The following ROBO2 variants were observed in gnomAD, a reference collection of about 807,000 sequenced individuals.
ROBO2 encodes the protein roundabout homolog 2.
In ROBO2, 53 loss-of-function variants were observed where a neutral mutation model predicts 160.8. The observed-to-expected ratio is 0.33, with a 90% CI of 0.26 to 0.41. ROBO2 has a LOEUF of 0.41. Among genes scored for constraint, ROBO2 ranks in the 10% least tolerant of loss-of-function variants. The probability of loss-of-function intolerance (pLI) is 1.00; values close to 1 mark genes in which losing one functional copy is unlikely to be tolerated. For synonymous variants in ROBO2, 664 were observed against 611.7 expected, an observed-to-expected ratio of 1.09 and a Z score of -1.26; for missense variants, 1,577 against 1,722.4, an observed-to-expected ratio of 0.92 and a Z score of 1.49.
intron 2 of ROBO2, among the ~76,000 whole-genome samples, chr3:76,254,121 A>G (rs530520950): frequency 6.6e-6 from 1 of 152,212 alleles, no homozygotes; most frequent in African/African-American, 2.4e-5. Flanking sequence ...TTGCAGATCT[A>G]TATCTCTTTG....
chr3:77,489,502 T>C (rs948560637), intron 4 of ROBO2, among the ~76,000 whole-genome samples: 5 of 152,094 alleles, frequency 3.3e-5, no homozygotes, highest in African/African-American at 1.2e-4. Flanking sequence ...TCCACGTGTC[T>C]CCATATAAAA....
intron 1 of ROBO2, among the ~76,000 whole-genome samples, chr3:77,066,571 A>G (rs2066869367): frequency 6.6e-6 from 1 of 152,188 alleles, no homozygotes; most frequent in Non-Finnish European, 1.5e-5. Context: ...GAAATCATAT[A>G]ACAATGTGAG....
chr3:77,240,379 G>T (rs542383899), intron 2 of ROBO2, among the ~76,000 whole-genome samples: 1 of 152,134 alleles, frequency 6.6e-6, no homozygotes, highest in African/African-American at 2.4e-5. Context: ...CGCCCGCTCC[G>T]AGTGGGCCCG....
chr3:77,525,689 A>G (rs1372411265), intron 6 of ROBO2, among the ~76,000 whole-genome samples: 2 of 151,236 alleles, frequency 1.3e-5, no homozygotes, highest in Admixed American at 6.6e-5. Context: ...TATTGTTTCT[A>G]GAGCATTAAA....
At chr3:77,030,305 TTTC>T in intron 2 of ROBO2, among the ~76,000 whole-genome samples, 1 of 152,314 alleles carries the variant, frequency 6.6e-6, no homozygotes, top group East Asian at 1.9e-4. Flanking sequence ...ACATTTAAAT[TTTC>T]TTTATATTTA....
intron 2 of ROBO2, among the ~76,000 whole-genome samples, chr3:76,052,597 A>C (rs1172931136): frequency 1.3e-5 from 2 of 151,980 alleles, no homozygotes; most frequent in African/African-American, 4.8e-5. Context: ...TGTTTCTGTA[A>C]GGACTTTGGC....
intron 2 of ROBO2, among the ~76,000 whole-genome samples, chr3:76,149,580 ACAT>A (rs374341415): frequency 7.2e-5 from 9 of 125,632 alleles, no homozygotes; most frequent in African/African-American, 1.8e-4. Context: ...TCTAAAGCAC[ACAT>A]CATCTGTCTA....
chr3:76,077,478 G>C (rs2068681253), intron 2 of ROBO2, among the ~76,000 whole-genome samples: 1 of 152,086 alleles, frequency 6.6e-6, no homozygotes, highest in East Asian at 1.9e-4. Context: ...CAGGAGAATT[G>C]CTTGAACTCT....
chr3:77,178,444 A>G (rs940387275), intron 2 of ROBO2, among the ~76,000 whole-genome samples: 6 of 152,048 alleles, frequency 3.9e-5, no homozygotes, highest in Admixed American at 2.6e-4. Context: ...CTCATGCTCA[A>G]CAGCAATGAT....
intron 2 of ROBO2, among the ~76,000 whole-genome samples, chr3:76,798,316 A>AAAGAAAGAAAGAAAG (rs1404329673): frequency 2.5e-4 from 24 of 96,206 alleles, no homozygotes; most frequent in Admixed American, 2.2e-3. Flanking sequence ...AAGAAAGAAA[A>AAAGAAAGAAAGAAAG]AAGAACGAAT....
At chr3:77,331,863 G>A (rs939348906) in intron 2 of ROBO2, among the ~76,000 whole-genome samples, 17 of 152,034 alleles carry the variant, frequency 1.1e-4, no homozygotes, top group East Asian at 7.8e-4. Context: ...GTGCCACCAC[G>A]CCCAGCTAAT....
exon 18 of ROBO2, chr3:77,595,178 A>G: frequency 6.2e-7 from 1 of 1,610,324 alleles, no homozygotes. Context: ...CTAATGAGCA[A>G]TGGAAGGTAT....
intron 2 of ROBO2, among the ~76,000 whole-genome samples, chr3:76,235,307 A>G (rs1441550073): frequency 3.3e-5 from 5 of 152,192 alleles, no homozygotes; most frequent in African/African-American, 1.2e-4. Context: ...CACAGGGAAG[A>G]AGGCCATGTG....
At chr3:76,585,284 A>T (rs1350778243) in intron 2 of ROBO2, among the ~76,000 whole-genome samples, 1 of 152,186 alleles carries the variant, frequency 6.6e-6, no homozygotes, top group East Asian at 1.9e-4. Context: ...ACAATTATAC[A>T]CTTCAGGCAT....
At chr3:77,581,094 C>A (rs1259324072) in intron 16 of ROBO2, among the ~76,000 whole-genome samples, 1 of 152,068 alleles carries the variant, frequency 6.6e-6, no homozygotes, top group African/African-American at 2.4e-5. Flanking sequence ...TGTCAAGCAA[C>A]TTTACATGTG....
chr3:77,100,580 A>C (rs1158631028), intron 2 of ROBO2, among the ~76,000 whole-genome samples: 1 of 151,864 alleles, frequency 6.6e-6, no homozygotes, highest in Non-Finnish European at 1.5e-5. Context: ...TAGAAAACTC[A>C]ACATAAATAC....
At chr3:76,787,645 T>C (rs892466481) in intron 2 of ROBO2, among the ~76,000 whole-genome samples, 4 of 151,432 alleles carry the variant, frequency 2.6e-5, no homozygotes, top group African/African-American at 9.7e-5. Context: ...ACAAATGACA[T>C]GCACATTTCA....
chr3:76,569,456 C>T (rs2084821322), intron 2 of ROBO2, among the ~76,000 whole-genome samples: 2 of 152,080 alleles, frequency 1.3e-5, no homozygotes, highest in African/African-American at 2.4e-5. Context: ...GGTTTTGCCA[C>T]ATAGAGAATT....
intron 21 of ROBO2, among the ~76,000 whole-genome samples, chr3:77,610,534 A>G (rs2094607509): frequency 6.6e-6 from 1 of 152,096 alleles, no homozygotes; most frequent in Non-Finnish European, 1.5e-5. Flanking sequence ...TGAATCTAGA[A>G]TCATTTACTC....
Sources: gnomAD v4.1 joint callset for allele counts (sites outside exome capture counted in the v4.1 genomes callset) on GRCh38, gnomAD v4.1.1 for gene constraint, MANE v1.5 for transcripts, NCBI Gene and HGNC (gene_info 2026-07-23, HGNC 2026-07-21) for gene names.